The following AIG1 variants were observed in gnomAD, a reference collection of about 807,000 sequenced individuals.
The protein encoded by AIG1 is androgen induced 1, also known as androgen-induced gene 1 protein.
In AIG1, 23 loss-of-function variants were observed where a neutral mutation model predicts 31.4. The ratio of observed to expected loss-of-function variants is 0.73; its 90% CI spans 0.53 to 1.04. The LOEUF is 1.04. Ranked by LOEUF, AIG1 falls within the 50% of genes least tolerant of loss-of-function variation. The probability of loss-of-function intolerance (pLI) is 0.00; values close to 1 mark genes in which losing one functional copy is unlikely to be tolerated. For synonymous variants in AIG1, 100 were observed against 110.5 expected, an observed-to-expected ratio of 0.90 and a Z score of 0.60; for missense variants, 274 against 295.0, an observed-to-expected ratio of 0.93 and a Z score of 0.52.
intron 3 of AIG1, among the ~76,000 whole-genome samples, chr6:143,269,035 A>G (rs1489259589): frequency 6.6e-6 from 1 of 151,674 alleles, no homozygotes; most frequent in Non-Finnish European, 1.5e-5. Context: ...TGCAGCTCCT[A>G]GTAGGGTGGG....
At chr6:143,194,893 G>T (rs1790098747) in intron 3 of AIG1, among the ~76,000 whole-genome samples, 1 of 152,244 alleles carries the variant, frequency 6.6e-6, no homozygotes, top group Non-Finnish European at 1.5e-5. Flanking sequence ...CCACTGGAAA[G>T]AGGGAGAAGC....
intron 3 of AIG1, among the ~76,000 whole-genome samples, chr6:143,208,920 AGAG>A (rs562804200): frequency 2.5e-4 from 38 of 152,194 alleles, no homozygotes; most frequent in African/African-American, 8.7e-4. Flanking sequence ...GCGATTGCTG[AGAG>A]GAGATGAAGA....
chr6:143,074,180 A>G lies in AIG1; in HGVS notation c.141+13114A>G, dbSNP rs535027111. Among the ~76,000 whole-genome samples the G allele has an allele frequency of 1.2e-4, 19 of 152,286 alleles. No individual in the cohort carries two copies. The East Asian group carries it at 3.7e-3, about 29-fold the overall frequency. On this transcript the variant is annotated intron_variant, in intron 1 of 5. Transcript: ENST00000357847. Reference sequence around the variant, plus strand: ...TGTTGGTTTGCAAATATTTTTCCCAATTTGTAAGTTGCCATTTGATTTCAT... The same window carrying G: ...TGTTGGTTTGCAAATATTTTTCCCAGTTTGTAAGTTGCCATTTGATTTCAT...
At chr6:143,065,988 A>G (rs770668605) in intron 1 of AIG1, among the ~76,000 whole-genome samples, 6 of 152,112 alleles carry the variant, frequency 3.9e-5, no homozygotes, top group Non-Finnish European at 5.9e-5. Flanking sequence ...TTCCTCCTAG[A>G]CTGGCTTTTC....
chr6:143,101,916 A>G (rs1031062406), intron 1 of AIG1, among the ~76,000 whole-genome samples: 3 of 152,182 alleles, frequency 2.0e-5, no homozygotes, highest in African/African-American at 7.2e-5. Flanking sequence ...GTTTCCCTTT[A>G]TATCAATTAA....
intron 4 of AIG1, among the ~76,000 whole-genome samples, chr6:143,296,921 ACT>A (rs1562567082): frequency 2.0e-5 from 3 of 152,004 alleles, no homozygotes; most frequent in Non-Finnish European, 2.9e-5. Context: ...AAGTTCATTA[ACT>A]CTCTCAAACA....
chr6:143,156,883 A>G (rs1395339903), intron 2 of AIG1, among the ~76,000 whole-genome samples: 2 of 152,200 alleles, frequency 1.3e-5, no homozygotes, highest in African/African-American at 2.4e-5. Context: ...GGGCTAGTCC[A>G]TTCCCTGTAG....
At chr6:143,146,134 C>T (rs1784682641) in intron 2 of AIG1, among the ~76,000 whole-genome samples, 1 of 152,122 alleles carries the variant, frequency 6.6e-6, no homozygotes, top group Admixed American at 6.5e-5. Flanking sequence ...CTTCCTTGAA[C>T]ACCCTTCCCC....
At chr6:143,182,384 A>G (rs991550946) in intron 3 of AIG1, among the ~76,000 whole-genome samples, 2 of 152,152 alleles carry the variant, frequency 1.3e-5, no homozygotes, top group Non-Finnish European at 2.9e-5. Flanking sequence ...TAGGTACTCA[A>G]TAATCATTTG....
chr6:143,209,570 A>G (rs1218567697), intron 3 of AIG1, among the ~76,000 whole-genome samples: 1 of 152,146 alleles, frequency 6.6e-6, no homozygotes, highest in Non-Finnish European at 1.5e-5. Flanking sequence ...GGGGCAATGA[A>G]CCAAGGAATG....
intron 3 of AIG1, among the ~76,000 whole-genome samples, chr6:143,266,346 C>CAAAAAAAA (rs398002969): frequency 1.1e-5 from 1 of 93,208 alleles, no homozygotes; most frequent in Non-Finnish European, 2.2e-5. Context: ...GAGTCCGTCT[C>CAAAAAAAA]AAAAAAAAAA....
In AIG1 at chr6:143,337,494, C is replaced by CG. The variant is rs564406046; in HGVS notation, c.680-2137dup. 6.0e-3 allele frequency among the ~76,000 whole-genome samples: 899 copies of CG among 150,420 alleles called. 6 individuals carry two copies. The highest frequency in any genetic ancestry group is 9.7e-3 in the Non-Finnish European group (653 of 67,602). The stretch of plus-strand genomic sequence containing the variant: ...TGTAGCAGTTTGGCGGGGTGGAGCG[C>CG]GGGGGGGGACACAATTCACAGCTGA... On this transcript the variant is annotated intron_variant, in intron 5 of 5. Transcript: ENST00000357847.
chr6:143,338,660 A>G lies in AIG1; in HGVS notation c.680-979A>G, dbSNP rs1777690863. ...GAGGTCTTCTCTGTGTTCATTGCTT[A>G]TTAATTTTATTCAGCAAAGATTAAT... On this transcript the variant is annotated intron_variant, in intron 5 of 5. Transcript: ENST00000357847. This position sits in a 1 kb window ranked among gnomAD's most constrained non-coding sequence, Gnocchi z 4.3. The G allele has an allele frequency of 6.6e-6, 1 of 152,102 alleles. No homozygotes were observed. Among genetic ancestry groups the G allele is most frequent in the African/African-American group, 2.4e-5 (1 of 41,416 alleles). The allele number at this position is 152,102 out of a possible 1,614,324, so 9.4% of individuals were successfully genotyped here.
intron 3 of AIG1, among the ~76,000 whole-genome samples, chr6:143,230,725 G>T (rs551954865): frequency 2.6e-5 from 4 of 151,922 alleles, no homozygotes; most frequent in African/African-American, 9.7e-5. Context: ...AGTCAACCTA[G>T]AATTCATTTT....
At chr6:143,342,189 C>G, downstream of AIG1, 1 of 621,778 alleles carries the variant, frequency 1.6e-6, no homozygotes, top group South Asian at 1.6e-5. Flanking sequence ...TCTCAAAGTA[C>G]TGGGATTACA....
At chr6:143,181,598 G>T (rs1366387725) in intron 3 of AIG1, among the ~76,000 whole-genome samples, 1 of 152,042 alleles carries the variant, frequency 6.6e-6, no homozygotes, top group Non-Finnish European at 1.5e-5. Flanking sequence ...TTTACTTTTG[G>T]CTATTGCCAA....
chr6:143,284,655 G>C lies in AIG1; in HGVS notation c.515+430G>C, dbSNP rs897263356. 6.6e-6 allele frequency among the ~76,000 whole-genome samples: 1 copy of C among 152,132 alleles called. No homozygotes were observed. Among genetic ancestry groups the C allele is most frequent in the Non-Finnish European group, 1.5e-5 (1 of 68,020 alleles). On this transcript the variant is annotated intron_variant, in intron 4 of 5. Transcript: ENST00000357847. The surrounding 1 kb of genome is among the most constrained non-coding windows in gnomAD (Gnocchi z 4.4). ...AACTTACTAGGAAACAAGTGAAAATGTATGTTTTCCCTGGTCCATTTAAAA... is the reference window on the plus strand; with the variant it reads ...AACTTACTAGGAAACAAGTGAAAATCTATGTTTTCCCTGGTCCATTTAAAA...
At chr6:143,276,360 C>G (rs896557557) in intron 3 of AIG1, among the ~76,000 whole-genome samples, 2 of 152,192 alleles carry the variant, frequency 1.3e-5, no homozygotes, top group African/African-American at 4.8e-5. Flanking sequence ...CCAGAACATA[C>G]TGGCACTCAG....
chr6:143,145,177 A>G (rs1397129995), intron 2 of AIG1, among the ~76,000 whole-genome samples: 1 of 152,068 alleles, frequency 6.6e-6, no homozygotes, highest in Non-Finnish European at 1.5e-5. Flanking sequence ...GGTGTGTGCC[A>G]CCATGCGTGG....
Sources: gnomAD v4.1 joint callset for allele counts (sites outside exome capture counted in the v4.1 genomes callset) on GRCh38, gnomAD v4.1.1 for gene constraint, Gnocchi (gnomAD v3.1) non-coding constraint, MANE v1.5 for transcripts, NCBI Gene and HGNC (gene_info 2026-07-23, HGNC 2026-07-21) for gene names.